Variants in AK4 observed in about 807,000 individuals in gnomAD.
The protein encoded by AK4 is adenylate kinase 4, mitochondrial.
A neutral mutation model predicts 24.6 loss-of-function variants in AK4; 13 were observed. The observed-to-expected ratio is 0.53, with a 90% CI of 0.34 to 0.84. AK4 has a LOEUF of 0.84. AK4 is among the 40% of genes least tolerant of loss of function. The probability of loss-of-function intolerance (pLI) is 0.01; values close to 1 mark genes in which losing one functional copy is unlikely to be tolerated. For missense variants in AK4, 192 were observed against 288.2 expected, an observed-to-expected ratio of 0.67 and a Z score of 2.42; for synonymous variants, 88 against 107.0, an observed-to-expected ratio of 0.82 and a Z score of 1.10.
rs1249386815 is a variant in AK4, at chr1:65,226,906, A to T, written c.*729A>T. On this transcript the variant is annotated 3_prime_UTR_variant, in exon 5 of 5. Transcript: ENST00000327299. ...TCTCAGATTCTAATAACTGAGAGCG[A>T]TGGGGCTATATTGAATCTCTGTATG... The T allele has an allele frequency of 1.3e-5, 2 of 148,932 alleles. No homozygotes were observed. The highest frequency in any genetic ancestry group is 3.9e-4 in the East Asian group (2 of 5,122). The allele number at this position is 148,932 out of a possible 1,614,324, so 9.2% of individuals were successfully genotyped here. A position where few individuals can be genotyped will look rare whatever the true frequency, so the allele number is the denominator to read the frequency against.
At chr1:65,200,181 T>C (rs1651620344) in intron 2 of AK4, among the ~76,000 whole-genome samples, 2 of 152,330 alleles carry the variant, frequency 1.3e-5, no homozygotes, top group South Asian at 4.1e-4. Context: ...TGGTGCGATC[T>C]TGGCTCACTG....
intron 1 of AK4, among the ~76,000 whole-genome samples, chr1:65,185,497 A>C (rs181346678): frequency 1.3e-5 from 2 of 152,264 alleles, no homozygotes; most frequent in African/African-American, 4.8e-5. Flanking sequence ...AAAGGGCCCC[A>C]CATCTCTGCA....
At position 65,177,221 on chromosome 1, in the gene AK4, C is replaced by T. The variant is rs572514032; in HGVS notation, c.146-13489C>T. ...GACGGGTGTATTCCATATGAGGTCT[C>T]TTTTTCCCTCAGAGACCAGTGACTA... On this transcript the variant is annotated intron_variant, in intron 1 of 4. Transcript: ENST00000327299. Among the ~76,000 whole-genome samples the T allele has an allele frequency of 2.9e-5, 4 of 139,346 alleles. No homozygotes were observed. The East Asian group carries it at 8.8e-4, about 31-fold the overall frequency. The allele number at this position is 139,346 out of a possible 152,430, so 91.4% of individuals were successfully genotyped here.
intron 1 of AK4, among the ~76,000 whole-genome samples, chr1:65,185,819 T>C (rs1298479479): frequency 6.6e-6 from 1 of 152,114 alleles, no homozygotes; most frequent in East Asian, 1.9e-4. Flanking sequence ...TTCTCCATGT[T>C]GGTCAGGCTG....
At chr1:65,158,009 G>A (rs1650035459) in intron 1 of AK4, among the ~76,000 whole-genome samples, 1 of 152,094 alleles carries the variant, frequency 6.6e-6, no homozygotes, top group African/African-American at 2.4e-5. Flanking sequence ...GTCCACAAGA[G>A]GTCCTTGCTT....
chr1:65,211,770 CTAATT>C (rs569424902), intron 2 of AK4, among the ~76,000 whole-genome samples: 16 of 152,306 alleles, frequency 1.1e-4, no homozygotes, highest in African/African-American at 3.1e-4. Context: ...ATGTTCTACT[CTAATT>C]TAGTTTACTT....
At chr1:65,168,475 A>G (rs1650406262) in intron 1 of AK4, among the ~76,000 whole-genome samples, 1 of 151,862 alleles carries the variant, frequency 6.6e-6, no homozygotes, top group Admixed American at 6.6e-5. Context: ...GTTTTTGTAA[A>G]GATGAGGGTC....
chr1:65,183,332 C>T (rs1426557444), intron 1 of AK4, among the ~76,000 whole-genome samples: 1 of 152,116 alleles, frequency 6.6e-6, no homozygotes, highest in Non-Finnish European at 1.5e-5. Context: ...CTCATTGCAA[C>T]CTCTGCCTCC....
intron 1 of AK4, among the ~76,000 whole-genome samples, chr1:65,170,954 C>CTTTT (rs36098576): frequency 1.8e-5 from 2 of 109,030 alleles, no homozygotes; most frequent in African/African-American, 4.2e-5. Flanking sequence ...TGTCTTCTTC[C>CTTTT]TTTTTTTTTT....
intron 2 of AK4, among the ~76,000 whole-genome samples, chr1:65,208,707 C>T (rs1017559572): frequency 6.6e-6 from 1 of 152,168 alleles, no homozygotes; most frequent in African/African-American, 2.4e-5. Flanking sequence ...TTCCATCAGG[C>T]GGAGGGCTTG....
chr1:65,206,041 C>G (rs1651799402), intron 2 of AK4, among the ~76,000 whole-genome samples: 1 of 152,182 alleles, frequency 6.6e-6, no homozygotes, highest in African/African-American at 2.4e-5. Flanking sequence ...CACAGATAAC[C>G]CTTCCTCAGA....
intron 2 of AK4, among the ~76,000 whole-genome samples, chr1:65,210,482 A>G (rs533364574): frequency 1.3e-5 from 2 of 152,228 alleles, no homozygotes; most frequent in African/African-American, 4.8e-5. Context: ...TCCTCGCCAC[A>G]TACACATGCT....
In AK4 at chr1:65,218,741, T is replaced by C. The variant is rs1209531479; in HGVS notation, c.266-13T>C. The C allele has an allele frequency of 1.9e-6, 3 of 1,565,508 alleles. No homozygotes were observed. The highest frequency in any genetic ancestry group is 1.7e-6 in the Non-Finnish European group (2 of 1,157,502). Reference sequence around the variant, plus strand: ...ATAGCTTGCATTTCACTTGTTTTGTTCTTTGCATTTAGGTTTTCCTAGGAC... The same window carrying C: ...ATAGCTTGCATTTCACTTGTTTTGTCCTTTGCATTTAGGTTTTCCTAGGAC... On this transcript the variant is annotated splice_polypyrimidine_tract_variant and intron_variant, in intron 2 of 4. Coordinates refer to ENST00000327299, the MANE Select transcript of AK4 (RefSeq NM_013410.4).
At chr1:65,190,857 T>C in intron 2 of AK4, 28 bp downstream of exon 2, 1 of 1,610,972 alleles carries the variant, frequency 6.2e-7, no homozygotes, top group Non-Finnish European at 8.5e-7. Flanking sequence ...GTAAACCGAA[T>C]TTCTGGGAAT....
chr1:65,221,761 C>A (rs1570146121), intron 3 of AK4, among the ~76,000 whole-genome samples: 1 of 152,218 alleles, frequency 6.6e-6, no homozygotes, highest in South Asian at 2.1e-4. Flanking sequence ...ATTTGAAAAG[C>A]CTTACCACTG....
At chr1:65,176,194 CCTT>C (rs1439340027) in intron 1 of AK4, among the ~76,000 whole-genome samples, 8 of 152,138 alleles carry the variant, frequency 5.3e-5, no homozygotes, top group African/African-American at 1.9e-4. Context: ...GATTGGATCA[CCTT>C]CTTTTTCAGT....
intron 1 of AK4, among the ~76,000 whole-genome samples, chr1:65,190,323 A>G (rs1220463292): frequency 6.6e-6 from 1 of 151,134 alleles, no homozygotes; most frequent in Non-Finnish European, 1.5e-5. Flanking sequence ...AGTGCAGTCA[A>G]TGAGCTTGAG....
At chr1:65,224,448 A>G (rs144666310) in intron 3 of AK4, among the ~76,000 whole-genome samples, 32 of 152,352 alleles carry the variant, frequency 2.1e-4, no homozygotes, top group African/African-American at 6.3e-4. Flanking sequence ...GTTTGTTGTT[A>G]GGAGAGGTTG....
At chr1:65,172,065 A>G (rs1403741430) in intron 1 of AK4, among the ~76,000 whole-genome samples, 38 of 20,940 alleles carry the variant, frequency 1.8e-3, no homozygotes, top group Non-Finnish European at 2.2e-3. Context: ...CATCTCAAGT[A>G]TATATATATA....
Sources: gnomAD v4.1 joint callset for allele counts (sites outside exome capture counted in the v4.1 genomes callset) on GRCh38, gnomAD v4.1.1 for gene constraint, MANE v1.5 for transcripts, NCBI Gene and HGNC (gene_info 2026-07-23, HGNC 2026-07-21) for gene names.